CNOT6: variants seen among roughly 807,000 people sequenced by gnomAD.
CNOT6 encodes the protein CCR4-NOT transcription complex subunit 6.
In CNOT6, 12 loss-of-function variants were observed where a neutral mutation model predicts 61.2. The observed-to-expected ratio is 0.20, with a 90% CI of 0.13 to 0.32. The LOEUF is 0.32. Ranked by LOEUF, CNOT6 falls within the 10% of genes least tolerant of loss-of-function variation. CNOT6 has a pLI of 1.00. For synonymous variants in CNOT6, 225 were observed against 240.6 expected (o/e 0.94, Z 0.60); for missense variants, 405 against 663.9 (o/e 0.61, Z 4.28).
At chr5:180,525,288 A>G (rs1232415269) in intron 1 of CNOT6, among the ~76,000 whole-genome samples, 1 of 152,106 alleles carries the variant, frequency 6.6e-6, no homozygotes, top group Non-Finnish European at 1.5e-5. Context: ...TCTAATCTTA[A>G]CACTTTGGGA....
At chr5:180,532,671 C>T (rs188910791) in intron 2 of CNOT6, among the ~76,000 whole-genome samples, 2 of 152,264 alleles carry the variant, frequency 1.3e-5, no homozygotes. Context: ...TCAGATCCCA[C>T]GGTTTGTGGA....
At chr5:180,565,364 G>A (rs894196973) in intron 6 of CNOT6, among the ~76,000 whole-genome samples, 3 of 152,156 alleles carry the variant, frequency 2.0e-5, no homozygotes, top group Non-Finnish European at 2.9e-5. Flanking sequence ...TTCATGGTGC[G>A]TGTAACAAAA....
At chr5:180,523,863 T>C (rs972440340) in intron 1 of CNOT6, among the ~76,000 whole-genome samples, 1 of 152,180 alleles carries the variant, frequency 6.6e-6, no homozygotes, top group Non-Finnish European at 1.5e-5. Flanking sequence ...GGATAGTCTT[T>C]TCATGGTTTG....
intron 1 of CNOT6, among the ~76,000 whole-genome samples, chr5:180,496,285 C>T (rs1311449502): frequency 6.6e-6 from 1 of 152,124 alleles, no homozygotes; most frequent in South Asian, 2.1e-4. Context: ...GTGATCTACT[C>T]CAGGTGTTTT....
chr5:180,530,194 A>G (rs902106378), intron 2 of CNOT6, among the ~76,000 whole-genome samples: 4 of 152,142 alleles, frequency 2.6e-5, no homozygotes, highest in African/African-American at 9.7e-5. Flanking sequence ...CTTTCACCTG[A>G]CCGCCCTTGA....
intron 4 of CNOT6, among the ~76,000 whole-genome samples, chr5:180,557,883 G>A (rs1167394919): frequency 6.6e-6 from 1 of 151,094 alleles, no homozygotes; most frequent in Non-Finnish European, 1.5e-5. Context: ...GTTAAAAGAT[G>A]TGAGGATTAG....
intron 3 of CNOT6, among the ~76,000 whole-genome samples, chr5:180,552,414 G>A (rs1394883765): frequency 6.6e-6 from 1 of 151,830 alleles, no homozygotes; most frequent in African/African-American, 2.4e-5. Context: ...GGCCGAGGCG[G>A]GCGGATCACA....
chr5:180,548,965 T>A (rs1164027745), intron 2 of CNOT6, among the ~76,000 whole-genome samples: 1 of 152,210 alleles, frequency 6.6e-6, no homozygotes, highest in Non-Finnish European at 1.5e-5. Context: ...AAGTGCAGAT[T>A]TACTGTTGCA....
intron 10 of CNOT6, among the ~76,000 whole-genome samples, chr5:180,570,317 C>T (rs1035280420): frequency 6.6e-6 from 1 of 152,134 alleles, no homozygotes; most frequent in Admixed American, 6.6e-5. Flanking sequence ...AAGATTGTAC[C>T]ACTGCACTTC....
chr5:180,544,933 A>G (rs1759236983), intron 2 of CNOT6, among the ~76,000 whole-genome samples: 2 of 152,206 alleles, frequency 1.3e-5, no homozygotes, highest in Non-Finnish European at 2.9e-5. Flanking sequence ...ACTGCACTCC[A>G]GCCTGGGTGA....
intron 1 of CNOT6, among the ~76,000 whole-genome samples, chr5:180,509,137 A>T (rs1757268283): frequency 6.6e-6 from 1 of 150,440 alleles, no homozygotes; most frequent in East Asian, 2.0e-4. Flanking sequence ...TTTTATTTTT[A>T]TTTTTTTATT....
chr5:180,495,714 G>A (rs1266092847), intron 1 of CNOT6: 1 of 152,214 alleles, frequency 6.6e-6, no homozygotes, highest in Non-Finnish European at 1.5e-5. Flanking sequence ...ATTTAACTTT[G>A]AAGAGGAAGA....
chr5:180,564,353 CAA>C (rs1188107259), intron 4 of CNOT6, 134 bp from the exon 5 acceptor site: 5 of 647,760 alleles, frequency 7.7e-6, no homozygotes, highest in African/African-American at 1.8e-5. Flanking sequence ...ACTGAAAAAA[CAA>C]TATTTTCTAT....
In CNOT6 at chr5:180,577,109, A is replaced by G. The variant is rs1761036281; in HGVS notation, c.*2909A>G. On this transcript the variant is annotated 3_prime_UTR_variant, in exon 12 of 12. Transcript: ENST00000261951. ...ATTTAAGCTAAAGTTGTAGAAATGA[A>G]TTGTTGAGTGCAACTTTCATAGTCC... 1 of 151,840 alleles carries G rather than the reference A, an allele frequency of 6.6e-6. No individual in the cohort carries two copies. The highest frequency in any genetic ancestry group is 2.4e-5 in the African/African-American group (1 of 41,220). 9.4% of individuals were successfully genotyped at this position (151,840 alleles called of 1,614,324 possible). A position where few individuals can be genotyped will look rare whatever the true frequency, so the allele number is the denominator to read the frequency against.
chr5:180,570,912 T>C (rs1015102796), intron 10 of CNOT6, among the ~76,000 whole-genome samples: 6 of 152,360 alleles, frequency 3.9e-5, no homozygotes, highest in Middle Eastern at 3.4e-3. Context: ...TTATCTTTAA[T>C]TCTTTGTAAA....
intron 3 of CNOT6, among the ~76,000 whole-genome samples, chr5:180,551,081 T>C (rs1759573563): frequency 6.6e-6 from 1 of 152,054 alleles, no homozygotes; most frequent in African/African-American, 2.4e-5. Flanking sequence ...TGGTGGTTCA[T>C]GTCTGTAATC....
chr5:180,567,136 G>A lies in CNOT6; in HGVS notation c.766G>A (p.Glu256Lys). The change falls in exon 8 of 12, where the codon GAA (glutamate) becomes AAA (lysine). Residue 256 changes from glutamate (E) to lysine (K), a missense_variant. This residue lies in a region of CNOT6 where 212 missense variants were observed against 307.1 expected (regional missense o/e 0.69). Transcript: ENST00000261951. ...CAGTTTTTTTCTGGTAGAGCTGAAA[G>A]AACGTGGCTATAATGGATTCTTCAG... ...YYSFFLVELKERGYNGFFSPK... is the reference protein window; with the variant it reads ...YYSFFLVELKKRGYNGFFSPK... 1 of 1,613,736 alleles carries A rather than the reference G, an allele frequency of 6.2e-7. No individual in the cohort carries two copies. The highest frequency in any genetic ancestry group is 8.5e-7 in the Non-Finnish European group (1 of 1,179,860).
intron 2 of CNOT6, among the ~76,000 whole-genome samples, chr5:180,532,720 A>G (rs958237437): frequency 6.6e-6 from 1 of 152,158 alleles, no homozygotes; most frequent in African/African-American, 2.4e-5. Context: ...TTCTATCACC[A>G]GTCCCATGTT....
At chr5:180,533,312 CTATATATATATA>C (rs56266069) in intron 2 of CNOT6, among the ~76,000 whole-genome samples, 25 of 127,640 alleles carry the variant, frequency 2.0e-4, no homozygotes, top group East Asian at 5.1e-4. Context: ...GGATGAAAAC[CTATATATATATA>C]TATATATATA....
Sources: gnomAD v4.1 joint callset for allele counts (sites outside exome capture counted in the v4.1 genomes callset) on GRCh38, gnomAD v4.1.1 for gene constraint, gnomAD v4.1.1 regional missense constraint, MANE v1.5 for transcripts, NCBI Gene and HGNC (gene_info 2026-07-23, HGNC 2026-07-21) for gene names.